The following WDSUB1 variants were observed in gnomAD, a reference collection of about 807,000 sequenced individuals.
WDSUB1 encodes WD repeat, SAM and U-box domain-containing protein 1.
In WDSUB1, 49 loss-of-function variants were observed where a neutral mutation model predicts 53.9. The observed-to-expected ratio is 0.91, with a 90% CI of 0.72 to 1.15. The LOEUF (loss-of-function observed/expected upper bound fraction) is 1.15, where lower values mean the gene tolerates loss of function less well. WDSUB1 is among the 50% of genes most tolerant of loss of function. The probability of loss-of-function intolerance (pLI) is 0.00; values close to 1 mark genes in which losing one functional copy is unlikely to be tolerated. For synonymous variants in WDSUB1, 194 were observed against 200.6 expected, an observed-to-expected ratio of 0.97 and a Z score of 0.28; for missense variants, 514 against 562.0, an observed-to-expected ratio of 0.91 and a Z score of 0.86.
chr2:159,250,547 T>C (rs1281163134), intron 9 of WDSUB1, among the ~76,000 whole-genome samples: 1 of 152,158 alleles, frequency 6.6e-6, no homozygotes, highest in Non-Finnish European at 1.5e-5. Flanking sequence ...ATGTAACAAA[T>C]CAGAGAATGG....
intron 2 of WDSUB1, among the ~76,000 whole-genome samples, chr2:159,281,677 TTTACATACTA>T (rs367650435): frequency 0.42 from 63,883 of 151,930 alleles, 14,714 homozygotes; most frequent in Non-Finnish European, 0.54. Flanking sequence ...CTATTAAAGC[TTTACATACTA>T]TGGGCCGGGC....
intron 4 of WDSUB1, among the ~76,000 whole-genome samples, chr2:159,272,900 G>A (rs1428334651): frequency 6.6e-6 from 1 of 151,966 alleles, no homozygotes; most frequent in Admixed American, 6.6e-5. Flanking sequence ...GTATACTGAG[G>A]GAATTCAATA....
rs1175768220 is a variant in WDSUB1, at chr2:159,271,338, A to G, written c.770+364T>C. ...AAAATGAACTATTATATATATTATA[A>G]TGTATCCATGCCATGGAATATTACA... On this transcript the variant is annotated intron_variant, in intron 5 of 10. Transcript: ENST00000359774. Among the ~76,000 whole-genome samples, 4 of 152,226 alleles carry G rather than the reference A, an allele frequency of 2.6e-5. No homozygotes were observed. In the East Asian group the frequency reaches 7.7e-4, roughly 29 times the overall value.
At chr2:159,277,202 T>C (rs936533222) in intron 3 of WDSUB1, among the ~76,000 whole-genome samples, 13 of 152,226 alleles carry the variant, frequency 8.5e-5, no homozygotes, top group African/African-American at 3.1e-4. Context: ...TCCATGGGAC[T>C]TCCATATTTC....
chr2:159,279,831 C>A lies in WDSUB1; in HGVS notation c.513G>T (p.Arg171Ser). The A allele has an allele frequency of 6.2e-7, 1 of 1,612,792 alleles. No homozygotes were observed. The highest frequency in any genetic ancestry group is 8.5e-7 in the Non-Finnish European group (1 of 1,179,098). The change falls in exon 3 of 11, where the codon AGG becomes AGT. Residue 171 changes from arginine (R) to serine (S), a missense_variant. Transcript: ENST00000359774. Reference sequence around the variant, plus strand: ...CATGTGCTTTTTCACTATGCAGACACCTCATTTTATCATCCCACACTGTTA... The same window carrying A: ...CATGTGCTTTTTCACTATGCAGACAACTCATTTTATCATCCCACACTGTTA... The part of the protein sequence containing the change: ...GDLTVWDDKM[R>S]CLHSEKAHDL...
intron 4 of WDSUB1, 57 bp from the exon 5 acceptor site, chr2:159,271,852 T>C: frequency 1.5e-6 from 2 of 1,366,458 alleles, no homozygotes; most frequent in Non-Finnish European, 2.1e-6. Context: ...AATTGATTTT[T>C]AAGTCAACAC....
intron 10 of WDSUB1, among the ~76,000 whole-genome samples, chr2:159,243,934 G>C (rs1278638359): frequency 6.6e-6 from 1 of 152,090 alleles, no homozygotes; most frequent in Admixed American, 6.6e-5. Context: ...CAATATAAAT[G>C]AATCTCACAA....
At chr2:159,270,654 C>T (rs1424022440) in intron 5 of WDSUB1, among the ~76,000 whole-genome samples, 1 of 152,150 alleles carries the variant, frequency 6.6e-6, no homozygotes. Flanking sequence ...AAATGGGATT[C>T]CTATTGCACA....
chr2:159,256,205 AATC>A lies in WDSUB1; in HGVS notation c.1120_1122del (p.Asp374del). ...CTTTCACTAAGCTTACCAATTTTCA[AATC>A]ATCAGCCAGACTTTCTTTTGTAAGA... On this transcript the variant is annotated inframe_deletion, in exon 9 of 11. Transcript: ENST00000359774. The A allele has an allele frequency of 6.3e-7, 1 of 1,595,402 alleles. No individual in the cohort carries two copies. The highest frequency in any genetic ancestry group is 8.5e-7 in the Non-Finnish European group (1 of 1,173,692).
intron 10 of WDSUB1, among the ~76,000 whole-genome samples, chr2:159,241,703 G>C (rs2151043495): frequency 7.7e-6 from 1 of 130,032 alleles, no homozygotes; most frequent in East Asian, 2.1e-4. Flanking sequence ...ACATGACTGG[G>C]GATGTTTTCT....
chr2:159,275,411 T>A, intron 4 of WDSUB1, 135 bp downstream of exon 4: 1 of 665,244 alleles, frequency 1.5e-6, no homozygotes, highest in Non-Finnish European at 2.5e-6. Context: ...ATGTGTATTA[T>A]TTTGACTAAA....
At chr2:159,276,971 C>T (rs1322981742) in intron 3 of WDSUB1, among the ~76,000 whole-genome samples, 3 of 152,152 alleles carry the variant, frequency 2.0e-5, no homozygotes, top group Non-Finnish European at 4.4e-5. Context: ...CACCACTGCA[C>T]TCTAGCCTGG....
chr2:159,255,740 C>T (rs2061048868), intron 9 of WDSUB1, among the ~76,000 whole-genome samples: 1 of 152,132 alleles, frequency 6.6e-6, no homozygotes, highest in African/African-American at 2.4e-5. Flanking sequence ...TAATAAATCT[C>T]AACATGAATA....
At chr2:159,252,641 A>G (rs2060975159) in intron 9 of WDSUB1, among the ~76,000 whole-genome samples, 1 of 152,222 alleles carries the variant, frequency 6.6e-6, no homozygotes. Context: ...ACAACAACAA[A>G]AAAACTGTAA....
At position 159,274,786 on chromosome 2, in the gene WDSUB1, A is replaced by T. The variant is rs190988965; in HGVS notation, c.676+760T>A. Reference sequence around the variant, plus strand: ...AATGCAAACAGAGTACTAAGCAAAAAGGGGACTCAACTGCAAACAAAGATC... The same window carrying T: ...AATGCAAACAGAGTACTAAGCAAAATGGGGACTCAACTGCAAACAAAGATC... On this transcript the variant is annotated intron_variant, in intron 4 of 10. Coordinates refer to ENST00000359774, the MANE Select transcript of WDSUB1 (RefSeq NM_001128212.3). 5.8e-3 allele frequency among the ~76,000 whole-genome samples: 883 copies of T among 152,310 alleles called. 9 individuals are homozygous for T. Among genetic ancestry groups the T allele is most frequent in the African/African-American group, 0.02 (843 of 41,548 alleles).
At chr2:159,239,698 G>T (rs2060590546) in intron 10 of WDSUB1, among the ~76,000 whole-genome samples, 1 of 152,160 alleles carries the variant, frequency 6.6e-6, no homozygotes, top group South Asian at 2.1e-4. Context: ...CAAGGCAAGT[G>T]GATCACTTGA....
intron 1 of WDSUB1, among the ~76,000 whole-genome samples, chr2:159,285,678 C>A (rs2061778481): frequency 6.6e-6 from 1 of 152,158 alleles, no homozygotes; most frequent in Non-Finnish European, 1.5e-5. Flanking sequence ...TGCACTCTAG[C>A]CTGGGCAACA....
intron 5 of WDSUB1, among the ~76,000 whole-genome samples, chr2:159,261,634 G>C (rs1310028098): frequency 6.6e-6 from 1 of 151,774 alleles, no homozygotes; most frequent in African/African-American, 2.4e-5. Context: ...AAAGAGTGAT[G>C]TCAGCAAGAT....
At chr2:159,241,612 T>C (rs1177953813) in intron 10 of WDSUB1, among the ~76,000 whole-genome samples, 1 of 147,974 alleles carries the variant, frequency 6.8e-6, no homozygotes, top group Non-Finnish European at 1.5e-5. Flanking sequence ...CCAAGCCAAA[T>C]TTTTTTAAAG....
Sources: gnomAD v4.1 joint callset for allele counts (sites outside exome capture counted in the v4.1 genomes callset) on GRCh38, gnomAD v4.1.1 for gene constraint, MANE v1.5 for transcripts, NCBI Gene and HGNC (gene_info 2026-07-23, HGNC 2026-07-21) for gene names.